SUGCT: variants seen among roughly 807,000 people sequenced by gnomAD.
SUGCT encodes the protein succinyl-CoA:glutarate-CoA transferase, also known as succinyl-CoA:glutarate CoA-transferase.
SUGCT carries 41 observed loss-of-function variants against 55.0 expected under a neutral mutation model. That is an observed-to-expected ratio of 0.74 (90% confidence interval 0.58 to 0.97). The LOEUF is 0.97. Ranked by LOEUF, SUGCT falls within the 50% of genes least tolerant of loss-of-function variation. SUGCT has a pLI of 0.00. For missense variants in SUGCT, 568 were observed against 547.8 expected, an observed-to-expected ratio of 1.04 and a Z score of -0.37; for synonymous variants, 187 against 200.4, an observed-to-expected ratio of 0.93 and a Z score of 0.56.
At chr7:40,224,399 C>T (rs1788208109) in intron 6 of SUGCT, among the ~76,000 whole-genome samples, 2 of 145,384 alleles carry the variant, frequency 1.4e-5, no homozygotes, top group Admixed American at 6.9e-5. Flanking sequence ...ATAATCTGTG[C>T]GTGTGTGTGT....
intron 12 of SUGCT, among the ~76,000 whole-genome samples, chr7:40,661,005 G>T (rs1350142567): frequency 5.3e-5 from 8 of 152,066 alleles, no homozygotes; most frequent in Non-Finnish European, 8.8e-5. Flanking sequence ...ACCTGTATTT[G>T]TGCTCTTGAA....
chr7:40,819,149 C>T (rs946355770), intron 13 of SUGCT, among the ~76,000 whole-genome samples: 1 of 151,990 alleles, frequency 6.6e-6, no homozygotes, highest in Non-Finnish European at 1.5e-5. Flanking sequence ...TTAATCCAGT[C>T]TATTGTTGAT....
chr7:40,553,983 G>A (rs983418959), intron 12 of SUGCT, among the ~76,000 whole-genome samples: 2 of 152,188 alleles, frequency 1.3e-5, no homozygotes, highest in African/African-American at 4.8e-5. Context: ...GGACTGTTAG[G>A]AGGATTAAAT....
chr7:41,035,095 C>A, the SUGCT span, among the ~76,000 whole-genome samples: 1 of 152,212 alleles, frequency 6.6e-6, no homozygotes, highest in Non-Finnish European at 1.5e-5. Flanking sequence ...TCAGTCTATT[C>A]CTGTAGTCAG....
chr7:40,977,140 C>T, the SUGCT span, among the ~76,000 whole-genome samples: 1 of 152,230 alleles, frequency 6.6e-6, no homozygotes, highest in Non-Finnish European at 1.5e-5. Flanking sequence ...CCTGAACACA[C>T]ACACAACCGC....
chr7:40,262,023 A>C (rs1377951655), intron 7 of SUGCT, among the ~76,000 whole-genome samples: 1 of 152,204 alleles, frequency 6.6e-6, no homozygotes, highest in Non-Finnish European at 1.5e-5. Flanking sequence ...TCATGAGGAC[A>C]GACAGGCTAG....
At chr7:40,270,876 A>G (rs1791955871) in intron 7 of SUGCT, among the ~76,000 whole-genome samples, 1 of 137,834 alleles carries the variant, frequency 7.3e-6, no homozygotes, top group Non-Finnish European at 1.6e-5. Context: ...TCTTTCAACA[A>G]TATTTTATTA....
chr7:40,571,925 T>G (rs1291312198), intron 12 of SUGCT, among the ~76,000 whole-genome samples: 1 of 152,192 alleles, frequency 6.6e-6, no homozygotes, highest in Non-Finnish European at 1.5e-5. Context: ...AGCAAAGTAT[T>G]TGCAAAATAG....
At chr7:40,829,805 C>T (rs1419901865) in intron 13 of SUGCT, among the ~76,000 whole-genome samples, 4 of 152,140 alleles carry the variant, frequency 2.6e-5, no homozygotes, top group South Asian at 2.1e-4. Context: ...CCCAGTGTCT[C>T]TCTCTAGGCC....
rs1161071072 is a variant in SUGCT at position 40,260,879 on chromosome 7, C to T, written c.577-13634C>T. On this transcript the variant is annotated intron_variant, in intron 7 of 13. Coordinates refer to ENST00000335693, the MANE Select transcript of SUGCT (RefSeq NM_001193313.2). ...CTCCTGACCTCAGGTGATCCACCCA[C>T]CTTGGCCTCCCAAAGTGCTGGGATT... 6.6e-5 allele frequency among the ~76,000 whole-genome samples: 10 copies of T among 152,174 alleles called. No homozygotes were observed. The South Asian group carries it at 1.4e-3, about 22-fold the overall frequency.
chr7:40,201,496 A>C (rs17171665), intron 6 of SUGCT, among the ~76,000 whole-genome samples: 1,657 of 152,274 alleles, frequency 0.011, 13 homozygotes, highest in Non-Finnish European at 0.019. Flanking sequence ...ATATCAGGAA[A>C]TATTTTTTCA....
intron 1 of SUGCT, among the ~76,000 whole-genome samples, chr7:40,170,496 C>T (rs1362185163): frequency 6.6e-6 from 1 of 152,150 alleles, no homozygotes; most frequent in Non-Finnish European, 1.5e-5. Context: ...TTAGGGGGAA[C>T]ATTTTCTATC....
At chr7:40,973,671 ACT>A in the SUGCT span, among the ~76,000 whole-genome samples, 112 of 151,900 alleles carry the variant, frequency 7.4e-4, no homozygotes, top group African/African-American at 2.2e-3. Context: ...GGCATGGGAA[ACT>A]CTGTTTTCAT....
At chr7:40,257,531 G>A (rs1302317972) in intron 7 of SUGCT, among the ~76,000 whole-genome samples, 1 of 152,082 alleles carries the variant, frequency 6.6e-6, no homozygotes, top group Non-Finnish European at 1.5e-5. Flanking sequence ...CAGGAGGAAA[G>A]ACTAAAGTAA....
intron 9 of SUGCT, among the ~76,000 whole-genome samples, chr7:40,434,759 T>G (rs1282847346): frequency 1.3e-5 from 2 of 152,210 alleles, no homozygotes; most frequent in East Asian, 3.8e-4. Flanking sequence ...CCCTGGAATA[T>G]GGCAGTCTCC....
At chr7:40,448,935 T>A (rs1223860296) in intron 9 of SUGCT, among the ~76,000 whole-genome samples, 1 of 147,042 alleles carries the variant, frequency 6.8e-6, no homozygotes, top group Non-Finnish European at 1.5e-5. Context: ...TGTGTGTGTG[T>A]GTGTGTGTGT....
At chr7:40,369,152 T>A (rs965180381) in intron 9 of SUGCT, among the ~76,000 whole-genome samples, 4 of 152,026 alleles carry the variant, frequency 2.6e-5, no homozygotes, top group Admixed American at 1.3e-4. Flanking sequence ...AGTGTTTTTT[T>A]AATTAGTTTT....
chr7:40,659,533 CA>C (rs1801199756), intron 12 of SUGCT, among the ~76,000 whole-genome samples: 1 of 152,206 alleles, frequency 6.6e-6, no homozygotes, highest in African/African-American at 2.4e-5. Context: ...CACAAACTGT[CA>C]CTTCTGTCCT....
chr7:40,515,890 CA>C (rs559810882), intron 12 of SUGCT, among the ~76,000 whole-genome samples: 172 of 152,304 alleles, frequency 1.1e-3, no homozygotes, highest in Non-Finnish European at 2.3e-3. Flanking sequence ...AAACCATGGC[CA>C]AAATATTTTC....
Sources: gnomAD v4.1 joint callset for allele counts (sites outside exome capture counted in the v4.1 genomes callset) on GRCh38, gnomAD v4.1.1 for gene constraint, MANE v1.5 for transcripts, NCBI Gene and HGNC (gene_info 2026-07-23, HGNC 2026-07-21) for gene names.